The following TRIM55 variants were observed in gnomAD, a reference collection of about 807,000 sequenced individuals.
The protein encoded by TRIM55 is tripartite motif containing 55.
Under a neutral mutation model 60.9 loss-of-function variants are expected in TRIM55, and 50 were observed. The observed-to-expected ratio is 0.82, with a 90% CI of 0.65 to 1.04. The LOEUF (loss-of-function observed/expected upper bound fraction) is 1.04, where lower values mean the gene tolerates loss of function less well. TRIM55 is among the 50% of genes least tolerant of loss of function. The pLI is 0.00. For synonymous variants in TRIM55, 237 were observed against 238.1 expected, an observed-to-expected ratio of 1.00 and a Z score of 0.04; for missense variants, 681 against 666.9, an observed-to-expected ratio of 1.02 and a Z score of -0.23.
At chr8:66,149,140 G>A (rs1481936946) in intron 4 of TRIM55, among the ~76,000 whole-genome samples, 1 of 152,164 alleles carries the variant, frequency 6.6e-6, no homozygotes, top group East Asian at 1.9e-4. Flanking sequence ...TGACTGGGAG[G>A]AGGGAATCCT....
chr8:66,123,071 A>C (rs1808693441), upstream of TRIM55, among the ~76,000 whole-genome samples: 1 of 152,178 alleles, frequency 6.6e-6, no homozygotes, highest in Non-Finnish European at 1.5e-5. Flanking sequence ...TGCTACCCGG[A>C]AGCTTCTTCT....
chr8:66,130,535 G>A (rs1372778138), intron 2 of TRIM55, among the ~76,000 whole-genome samples: 2 of 137,338 alleles, frequency 1.5e-5, no homozygotes, highest in African/African-American at 5.7e-5. Context: ...AATGAAAAGA[G>A]TTCAGCTGTG....
At chr8:66,134,817 C>T (rs888376472) in intron 2 of TRIM55, among the ~76,000 whole-genome samples, 173 bp from the exon 3 acceptor site, 4 of 152,080 alleles carry the variant, frequency 2.6e-5, no homozygotes, top group Non-Finnish European at 4.4e-5. Context: ...TGCAGGGAAG[C>T]TGAATTTGGT....
chr8:66,172,626 AAAATTTATACAT>A, intron 9 of TRIM55, among the ~76,000 whole-genome samples: 2 of 152,356 alleles, frequency 1.3e-5, no homozygotes, highest in Middle Eastern at 6.8e-3. Context: ...GGAAAGCACA[AAAATTTATACAT>A]ATTCCAAAAG....
At chr8:66,114,084 C>CG in the TRIM55 span, among the ~76,000 whole-genome samples, 1 of 115,618 alleles carries the variant, frequency 8.6e-6, no homozygotes, top group Non-Finnish European at 1.9e-5. Flanking sequence ...GGAGAGACAC[C>CG]CCCCCCCCCA....
intron 9 of TRIM55, among the ~76,000 whole-genome samples, chr8:66,163,492 A>G (rs1811157574): frequency 6.6e-6 from 1 of 152,146 alleles, no homozygotes; most frequent in Non-Finnish European, 1.5e-5. Flanking sequence ...TTAATTTAAA[A>G]CATTTTCTAG....
At chr8:66,117,304 AC>A in the TRIM55 span, among the ~76,000 whole-genome samples, 7 of 152,192 alleles carry the variant, frequency 4.6e-5, no homozygotes, top group Non-Finnish European at 8.8e-5. Context: ...GAAGTAAAAG[AC>A]CTCCACATAG....
the TRIM55 span, among the ~76,000 whole-genome samples, chr8:66,117,537 G>A: frequency 3.9e-5 from 6 of 152,250 alleles, no homozygotes; most frequent in East Asian, 3.9e-4. Flanking sequence ...AGTGCAAGTC[G>A]GAGAGATAGG....
At chr8:66,117,492 C>A in the TRIM55 span, among the ~76,000 whole-genome samples, 1 of 152,080 alleles carries the variant, frequency 6.6e-6, no homozygotes, top group Non-Finnish European at 1.5e-5. Context: ...ATGTATATGG[C>A]TCATATTTGT....
chr8:66,168,653 A>G (rs1811454291), intron 9 of TRIM55, among the ~76,000 whole-genome samples: 5 of 152,260 alleles, frequency 3.3e-5, no homozygotes. Flanking sequence ...TGACCCAGAA[A>G]GACAGGCATT....
the TRIM55 span, among the ~76,000 whole-genome samples, chr8:66,121,391 G>A: frequency 6.6e-6 from 1 of 152,234 alleles, no homozygotes. Flanking sequence ...TGGTAAGAGT[G>A]GGGGTGGAAG....
chr8:66,137,760 A>G (rs1809568143), intron 4 of TRIM55, among the ~76,000 whole-genome samples: 1 of 53,888 alleles, frequency 1.9e-5, no homozygotes, highest in East Asian at 4.2e-4. Flanking sequence ...TCAACACTGA[A>G]AAAAAAAAAA....
At chr8:66,173,220 T>C (rs1042656193) in intron 9 of TRIM55, among the ~76,000 whole-genome samples, 1 of 152,244 alleles carries the variant, frequency 6.6e-6, no homozygotes, top group Admixed American at 6.5e-5. Flanking sequence ...CTACTGTGGC[T>C]AATATGATTT....
chr8:66,154,428 G>C, intron 9 of TRIM55, 94 bp downstream of exon 9: 1 of 1,368,152 alleles, frequency 7.3e-7, no homozygotes, highest in South Asian at 1.4e-5. Context: ...TTTTCAAAGG[G>C]GCAGAGAGAA....
At chr8:66,131,400 A>G (rs906196864) in intron 2 of TRIM55, among the ~76,000 whole-genome samples, 1 of 152,118 alleles carries the variant, frequency 6.6e-6, no homozygotes. Flanking sequence ...TTTATCACCA[A>G]TGACATGTGC....
chr8:66,115,566 A>G, the TRIM55 span, among the ~76,000 whole-genome samples: 1 of 152,194 alleles, frequency 6.6e-6, no homozygotes, highest in Non-Finnish European at 1.5e-5. Context: ...TGGAGGACAC[A>G]CGTTTCGGGG....
At chr8:66,135,229 G>A in intron 3 of TRIM55, 74 bp downstream of exon 3, 2 of 1,538,978 alleles carry the variant, frequency 1.3e-6, no homozygotes, top group Non-Finnish European at 1.8e-6. Context: ...GGGCCAGTGT[G>A]AGTGGCTCCC....
chr8:66,152,199 T>C, intron 7 of TRIM55, 178 bp from the exon 8 acceptor site: 1 of 774,332 alleles, frequency 1.3e-6, no homozygotes, highest in Non-Finnish European at 2.0e-6. Context: ...ATTTGTCCAG[T>C]CCACATTCCA....
At chr8:66,133,530 TGTG>T (rs925226957) in intron 2 of TRIM55, among the ~76,000 whole-genome samples, 3 of 152,218 alleles carry the variant, frequency 2.0e-5, no homozygotes, top group Admixed American at 6.5e-5. Context: ...TTCCAAATAA[TGTG>T]GTCAAATCAG....
Sources: allele counts gnomAD v4.1 joint callset (sites outside exome capture counted in the v4.1 genomes callset), GRCh38; gene constraint gnomAD v4.1.1; transcripts MANE v1.5; gene names NCBI Gene and HGNC (gene_info 2026-07-23, HGNC 2026-07-21).